The following ZNF12 variants were observed in gnomAD, a reference collection of about 807,000 sequenced individuals.
The protein encoded by ZNF12 is gonadotropin inducible transcription repressor 3.
In ZNF12, 34 loss-of-function variants were observed where a neutral mutation model predicts 66.6. The ratio of observed to expected loss-of-function variants is 0.51; its 90% confidence interval spans 0.39 to 0.68. The LOEUF (loss-of-function observed/expected upper bound fraction) is 0.68, where lower values mean the gene tolerates loss of function less well. ZNF12 is among the 30% of genes least tolerant of loss of function. ZNF12 has a pLI of 0.00. For synonymous variants in ZNF12, 320 were observed against 278.9 expected, an observed-to-expected ratio of 1.15 and a Z score of -1.47; for missense variants, 697 against 826.9, an observed-to-expected ratio of 0.84 and a Z score of 1.93.
At chr7:6,704,500 G>A (rs1352703266) in intron 2 of ZNF12, among the ~76,000 whole-genome samples, 1 of 149,006 alleles carries the variant, frequency 6.7e-6, no homozygotes, top group Non-Finnish European at 1.5e-5. Context: ...AGGCCGAGGC[G>A]GGTGGATCAC....
At position 6,691,920 on chromosome 7, in the gene ZNF12, A is replaced by G. The variant is rs1466752351; in HGVS notation, c.1022T>C (p.Ile341Thr). Residue 341 changes from isoleucine (I) to threonine (T), a missense_variant, in exon 5 of 5, where the codon ATT becomes ACT. Physicochemically the swap from Ile to Thr is moderately conservative, Grantham distance 89. Around this residue, in one of 3 missense-constraint regions of ZNF12, gnomAD observed 401 missense variants for 519.0 expected, o/e 0.77. Coordinates refer to ENST00000405858, the MANE Select transcript of ZNF12 (RefSeq NM_016265.4). The stretch of plus-strand genomic sequence containing the variant: ...TCCTGAGTGAGTTCTCTGATGCTGA[A>G]TGAGGTGTAACTTCTGGTAAAAGTT... ...GKNFYQKLHLIQHQRTHSGEK... is the reference protein window; with the variant it reads ...GKNFYQKLHLTQHQRTHSGEK... The G allele has an allele frequency of 6.2e-7, 1 of 1,614,012 alleles. No individual in the cohort carries two copies. Among genetic ancestry groups the G allele is most frequent in the South Asian group, 1.1e-5 (1 of 91,070 alleles).
At chr7:6,699,378 G>A (rs747467175) in intron 2 of ZNF12, among the ~76,000 whole-genome samples, 19 of 152,224 alleles carry the variant, frequency 1.2e-4, no homozygotes, top group African/African-American at 1.2e-4. Flanking sequence ...AGATATAGGC[G>A]TATCCACAGA....
Position 6,706,494 on chromosome 7 carries a change from G to C in ZNF12, c.-113C>G, listed in dbSNP as rs1470380522. The C allele has an allele frequency of 4.2e-6, 2 of 471,182 alleles. No individual in the cohort carries two copies. Among genetic ancestry groups the C allele is most frequent in the Non-Finnish European group, 8.5e-6 (2 of 236,572 alleles). 29.2% of individuals were successfully genotyped at this position (471,182 alleles called of 1,614,324 possible). A position where few individuals can be genotyped will look rare whatever the true frequency, so the allele number is the denominator to read the frequency against. The stretch of plus-strand genomic sequence containing the variant: ...GACAGGCCGGGGCGGGATTGCTGTC[G>C]CGGGCGCGCGTCTGCTCGCGAGGTC... On this transcript the variant is annotated 5_prime_UTR_variant, in exon 1 of 5. Transcript: ENST00000405858.
Position 6,691,337 on chromosome 7 carries a change from G to A in ZNF12, c.1605C>T (p.Ala535=). 1 of 1,613,884 alleles carries A rather than the reference G, an allele frequency of 6.2e-7. No homozygotes were observed. Among genetic ancestry groups the A allele is most frequent in the Non-Finnish European group, 8.5e-7 (1 of 1,179,868 alleles). ...TGTGTATTCTCCGATGTCTACAAAG[G>A]GCTGAGTTCTGGTAGAAGGTTTTCC... ...ECGKTFYQNS[A]LCRHRRIHKG... The change falls in exon 5 of 5, where the codon GCC becomes GCT. Residue 535 remains alanine (A), a synonymous_variant. Transcript: ENST00000405858.
chr7:6,695,188 T>G (rs1338910982), intron 4 of ZNF12, among the ~76,000 whole-genome samples: 1 of 152,252 alleles, frequency 6.6e-6, no homozygotes, highest in African/African-American at 2.4e-5. Context: ...GTGCTGGGAT[T>G]ACAGGCGTAA....
chr7:6,699,262 T>A, intron 2 of ZNF12, among the ~76,000 whole-genome samples: 1 of 152,242 alleles, frequency 6.6e-6, no homozygotes, highest in East Asian at 1.9e-4. Context: ...CTCCTGATGT[T>A]GACTGAACAC....
chr7:6,692,694 C>T lies in ZNF12; in HGVS notation c.248G>A (p.Trp83Ter). The T allele has an allele frequency of 6.4e-7, 1 of 1,571,232 alleles. No homozygotes were observed. The highest frequency in any genetic ancestry group is 8.6e-7 in the Non-Finnish European group (1 of 1,163,638). Residue 83 changes from tryptophan to a stop codon, truncating the protein, a stop_gained, in exon 5 of 5, where the codon TGG becomes TAG. Transcript: ENST00000405858. LOFTEE classifies it high-confidence loss of function. This position sits in a 1 kb window ranked among gnomAD's most constrained non-coding sequence, Gnocchi z 5.1. ...FLLQSYPDEVWQTDDLIERIQ... is the reference protein window; with the variant it reads ...FLLQSYPDEV ...TCTCTCTATTAGGTCATCAGTTTGC[C>T]AGACTTCATCTAAAGAGAGACAAAA...
chr7:6,703,882 A>T (rs1583468984), intron 2 of ZNF12, among the ~76,000 whole-genome samples: 1 of 152,264 alleles, frequency 6.6e-6, no homozygotes, highest in African/African-American at 2.4e-5. Context: ...CACTAAGAGC[A>T]TGTGCTGGAT....
At position 6,692,127 on chromosome 7, in the gene ZNF12, C is replaced by T. The variant is rs144746137; in HGVS notation, c.815G>A (p.Ser272Asn). The T allele has an allele frequency of 5.0e-6, 8 of 1,614,098 alleles. No homozygotes were observed. In the African/African-American group the frequency reaches 9.3e-5, roughly 19 times the overall value. Residue 272 changes from serine to asparagine, a missense_variant, in exon 5 of 5, where the codon AGT (serine) becomes AAT (asparagine). Ser to Asn is a conservative substitution (Grantham distance 46). Around this residue, in one of 3 missense-constraint regions of ZNF12, gnomAD observed 401 missense variants for 519.0 expected, o/e 0.77. Transcript: ENST00000405858. The surrounding 1 kb of genome is among the most constrained non-coding windows in gnomAD (Gnocchi z 5.1). Reference protein sequence around the residue: ...SHMEMKPYECSECGKSFCKKS... With the variant: ...SHMEMKPYECNECGKSFCKKS... ...TTTACAGAAGGATTTCCCACATTCA[C>T]TGCATTCATAGGGCTTCATTTCCAT... is the stretch of plus-strand genomic sequence containing the variant.
At position 6,704,315 on chromosome 7, in the gene ZNF12, T is replaced by TA. The variant is rs899055516; in HGVS notation, c.15+843dup. The TA allele has an allele frequency of 3.8e-3, 508 of 133,642 alleles. 1 individual carries two copies. Among genetic ancestry groups the TA allele is most frequent in the Non-Finnish European group, 5.4e-3 (330 of 61,488 alleles). 8.3% of individuals were successfully genotyped at this position (133,642 alleles called of 1,614,324 possible). On this transcript the variant is annotated intron_variant, in intron 2 of 4. Transcript: ENST00000405858. ...GGGCAACAGAGTGAGACTCCATCTTTAAAAAAAAAAAAGAAAAGAAAATAT... is the reference window on the plus strand; with the variant it reads ...GGGCAACAGAGTGAGACTCCATCTTTAAAAAAAAAAAAAGAAAAGAAAATAT...
At chr7:6,695,161 C>T (rs565586994) in intron 4 of ZNF12, among the ~76,000 whole-genome samples, 176 of 152,306 alleles carry the variant, frequency 1.2e-3, no homozygotes, top group African/African-American at 3.8e-3. Context: ...ATGATCTGCC[C>T]GCCTCGGCCT....
At chr7:6,699,317 A>C (rs1780198489) in intron 2 of ZNF12, among the ~76,000 whole-genome samples, 1 of 152,196 alleles carries the variant, frequency 6.6e-6, no homozygotes, top group African/African-American at 2.4e-5. Context: ...CATGAGTGCA[A>C]GCTGGGTTCT....
In ZNF12 at chr7:6,692,799, GAGT is replaced by G. The variant is rs1780094966; in HGVS notation, c.239-99_239-97del. Reference sequence around the variant, plus strand: ...GATTTGTACACACGCATCTCATTGTGAGTAGATGCTAGCTTCATGAACAGATGA... The same window carrying G: ...GATTTGTACACACGCATCTCATTGTGAGATGCTAGCTTCATGAACAGATGA... On this transcript the variant is annotated intron_variant, in intron 4 of 4. Coordinates refer to ENST00000405858, the MANE Select transcript of ZNF12 (RefSeq NM_016265.4). The surrounding 1 kb of genome is among the most constrained non-coding windows in gnomAD (Gnocchi z 5.1). The G allele has an allele frequency of 4.2e-6, 5 of 1,193,598 alleles. No individual in the cohort carries two copies. The highest frequency in any genetic ancestry group is 5.8e-6 in the Non-Finnish European group (5 of 863,826). The allele number at this position is 1,193,598 out of a possible 1,614,324, so 73.9% of individuals were successfully genotyped here. A position where few individuals can be genotyped will look rare whatever the true frequency, so the allele number is the denominator to read the frequency against.
Position 6,691,955 on chromosome 7 carries a change from T to C in ZNF12, c.987A>G (p.Glu329=). The C allele has an allele frequency of 6.2e-7, 1 of 1,614,102 alleles. No individual in the cohort carries two copies. Among genetic ancestry groups the C allele is most frequent in the Non-Finnish European group, 8.5e-7 (1 of 1,179,996 alleles). The part of the protein sequence containing the change: ...HTGEKPYECN[E]CGKNFYQKLH... ...ACTTCTGGTAAAAGTTCTTCCCACATTCATTACATTCATAGGGCTTCTCCC... is the reference window on the plus strand; with the variant it reads ...ACTTCTGGTAAAAGTTCTTCCCACACTCATTACATTCATAGGGCTTCTCCC... The change falls in exon 5 of 5, where the codon GAA becomes GAG. Residue 329 remains glutamate (E), a synonymous_variant. Transcript: ENST00000405858.
In ZNF12 at chr7:6,705,328, G is replaced by T; in HGVS notation, c.-50-105C>A. ...CAGAAAGTTCCAAGAAGTACATCTT[G>T]TGGGAGACTGTCCCTTTAAGCCTTC... On this transcript the variant is annotated intron_variant, in intron 1 of 4. Transcript: ENST00000405858. This position sits in a 1 kb window ranked among gnomAD's most constrained non-coding sequence, Gnocchi z 4.0. 1.3e-6 allele frequency: 1 copy of T among 747,800 alleles called. No homozygotes were observed. Among genetic ancestry groups the T allele is most frequent in the Non-Finnish European group, 2.2e-6 (1 of 453,150 alleles). The allele number at this position is 747,800 out of a possible 1,614,324, so 46.3% of individuals were successfully genotyped here.
In ZNF12 at chr7:6,697,814, G is replaced by GA. The variant is rs748353026; in HGVS notation, c.16-4dup. ...ACGTCCTTGAATGACACTGGCCCCT[G>GA]AAATGGCACCGTGATTGGAATTGGG... On this transcript the variant is annotated splice_region_variant and splice_polypyrimidine_tract_variant and intron_variant, in intron 2 of 4. Coordinates refer to ENST00000405858, the MANE Select transcript of ZNF12 (RefSeq NM_016265.4). This position sits in a 1 kb window ranked among gnomAD's most constrained non-coding sequence, Gnocchi z 6.1. 2 of 1,614,108 alleles carry GA rather than the reference G, an allele frequency of 1.2e-6. No homozygotes were observed. Among genetic ancestry groups the GA allele is most frequent in the South Asian group, 2.2e-5 (2 of 91,078 alleles).
chr7:6,691,030 A>G lies in ZNF12; in HGVS notation c.1912T>C (p.Cys638Arg), dbSNP rs1194951102. 1 of 1,614,104 alleles carries G rather than the reference A, an allele frequency of 6.2e-7. No homozygotes were observed. Among genetic ancestry groups the G allele is most frequent in the African/African-American group, 1.3e-5 (1 of 75,024 alleles). ...GACATCCGAGAGAAGGCTTTTCCAC[A>G]CTCATTACATTCAAAGGGTTTCTCT... Reference protein sequence around the residue: ...SGEKPFECNECGKAFSRMSYL... With the variant: ...SGEKPFECNERGKAFSRMSYL... Residue 638 changes from cysteine to arginine, a missense_variant, in exon 5 of 5, where the codon TGT becomes CGT. Cys to Arg is a radical substitution (Grantham distance 180). Transcript: ENST00000405858.
At position 6,692,203 on chromosome 7, in the gene ZNF12, C is replaced by T; in HGVS notation, c.739G>A (p.Glu247Lys). The T allele has an allele frequency of 1.2e-6, 2 of 1,614,046 alleles. No individual in the cohort carries two copies. Among genetic ancestry groups the T allele is most frequent in the South Asian group, 1.1e-5 (1 of 91,084 alleles). ...TCCGACATCTGGAGAAAGGCTATTT[C>T]AGATCCATTCCACTTATAGGGCTTT... The part of the protein sequence containing the change: ...EEKPYKWNGS[E>K]IAFLQMSDLT... The change falls in exon 5 of 5, where the codon GAA becomes AAA. Residue 247 changes from glutamate (E) to lysine (K), a missense_variant. Coordinates refer to ENST00000405858, the MANE Select transcript of ZNF12 (RefSeq NM_016265.4). The surrounding 1 kb of genome is among the most constrained non-coding windows in gnomAD (Gnocchi z 5.1).
Position 6,688,704 on chromosome 7 carries a change from G to A in ZNF12, c.*2144C>T, listed in dbSNP as rs1045353472. The A allele has an allele frequency of 2.0e-5, 3 of 152,194 alleles. No homozygotes were observed. Among genetic ancestry groups the A allele is most frequent in the Non-Finnish European group, 4.4e-5 (3 of 68,036 alleles). The allele number at this position is 152,194 out of a possible 1,614,324, so 9.4% of individuals were successfully genotyped here. A position where few individuals can be genotyped will look rare whatever the true frequency, so the allele number is the denominator to read the frequency against. On this transcript the variant is annotated 3_prime_UTR_variant, in exon 5 of 5. Coordinates refer to ENST00000405858, the MANE Select transcript of ZNF12 (RefSeq NM_016265.4). The surrounding 1 kb of genome is among the most constrained non-coding windows in gnomAD (Gnocchi z 4.3). ...GGAAAACACGGCATTTCAGCTCAGT[G>A]GTAAAGCAGTAAACCAATCAGATGC...
Sources: gnomAD v4.1 joint callset for allele counts (sites outside exome capture counted in the v4.1 genomes callset) on GRCh38, gnomAD v4.1.1 for gene constraint, gnomAD v4.1.1 regional missense constraint, Gnocchi (gnomAD v3.1) non-coding constraint, MANE v1.5 for transcripts, NCBI Gene and HGNC (gene_info 2026-07-23, HGNC 2026-07-21) for gene names.